Variants in PAX6 observed in about 807,000 individuals in gnomAD.
PAX6 encodes paired box protein Pax-6.
Under a neutral mutation model 60.7 loss-of-function variants are expected in PAX6, and 7 were observed. The ratio of observed to expected loss-of-function variants is 0.12; its 90% CI spans 0.07 to 0.22. The LOEUF (loss-of-function observed/expected upper bound fraction) is 0.22, where lower values mean the gene tolerates loss of function less well. Among genes scored for constraint, PAX6 ranks in the 10% least tolerant of loss-of-function variants. PAX6 has a pLI of 1.00. For synonymous variants in PAX6, 208 were observed against 201.2 expected (o/e 1.03, Z -0.29); for missense variants, 355 against 555.2 (o/e 0.64, Z 3.62).
intron 2 of PAX6, among the ~76,000 whole-genome samples, chr11:31,809,052 T>A (rs765966381): frequency 9.2e-5 from 14 of 152,212 alleles, no homozygotes; most frequent in Non-Finnish European, 1.5e-4. Context: ...AGTTTTCAAA[T>A]GCTGTTCTTT....
At chr11:31,810,709 T>C (rs559719190) in intron 2 of PAX6, 119 bp downstream of exon 2, 46 of 397,314 alleles carry the variant, frequency 1.2e-4, no homozygotes, top group Admixed American at 1.8e-4. Context: ...GGCCCAACTC[T>C]CCCGGCGTAG....
In PAX6 at chr11:31,794,660, T is replaced by C; in HGVS notation, c.694A>G (p.Thr232Ala). The change falls in exon 9 of 14, where the codon ACC (threonine) becomes GCC (alanine). Residue 232 changes from threonine to alanine, a missense_variant. Thr to Ala is a moderately conservative substitution (Grantham distance 58, BLOSUM62 0). Coordinates refer to ENST00000640368, the MANE Select transcript of PAX6 (RefSeq NM_001368894.2). ...RKLQRNRTSF[T>A]QEQIEALEKE... ...TCCAGGGCCTCAATTTGCTCTTGGG[T>C]AAAGGATGTTCTATTTCTTTGCAGC... The C allele has an allele frequency of 6.2e-7, 1 of 1,614,196 alleles. No individual in the cohort carries two copies. Among genetic ancestry groups the C allele is most frequent in the Non-Finnish European group, 8.5e-7 (1 of 1,180,038 alleles).
intron 13 of PAX6, 78 bp from the exon 14 acceptor site, chr11:31,790,097 CAAAAAAAAAA>C (rs1171009926): frequency 1.2e-4 from 18 of 145,368 alleles, no homozygotes; most frequent in Middle Eastern, 2.4e-3. Context: ...TATAGGTTTA[CAAAAAAAAAA>C]AAAAAAAAAA....
chr11:31,813,395 G>A (rs956729439), upstream of PAX6, among the ~76,000 whole-genome samples: 16 of 102,534 alleles, frequency 1.6e-4, no homozygotes, highest in African/African-American at 5.7e-4. Context: ...GGGGCGGGGG[G>A]GGGGGAAGTG....
rs969086029 is a variant in PAX6, at chr11:31,802,507, G to A, written c.141+197C>T. Reference sequence around the variant, plus strand: ...GAGTTATCTTATGTAACTGACCCAGGTTGAAAGAGATAGGGAAGGATGGTG... The same window carrying A: ...GAGTTATCTTATGTAACTGACCCAGATTGAAAGAGATAGGGAAGGATGGTG... On this transcript the variant is annotated intron_variant, in intron 5 of 13. Transcript: ENST00000640368. 3 of 580,716 alleles carry A rather than the reference G, an allele frequency of 5.2e-6. No individual in the cohort carries two copies. In the East Asian group the frequency reaches 8.7e-5, roughly 17 times the overall value. 36.0% of individuals were successfully genotyped at this position (580,716 alleles called of 1,614,324 possible). A position where few individuals can be genotyped will look rare whatever the true frequency, so the allele number is the denominator to read the frequency against.
intron 12 of PAX6, chr11:31,792,288 TG>T (rs1286564235): frequency 1.3e-5 from 2 of 152,350 alleles, no homozygotes; most frequent in African/African-American, 4.8e-5. Flanking sequence ...CACCAACTAA[TG>T]GGCTGTTAAT....
At chr11:31,796,235 G>A (rs1297208463) in intron 8 of PAX6, among the ~76,000 whole-genome samples, 1 of 152,190 alleles carries the variant, frequency 6.6e-6, no homozygotes, top group Admixed American at 6.5e-5. Context: ...GCGAGTAAGG[G>A]AAACTATTAA....
chr11:31,794,404 A>AAC (rs1222026699), intron 9 of PAX6: 3 of 596,552 alleles, frequency 5.0e-6, no homozygotes, highest in Non-Finnish European at 8.8e-6. Flanking sequence ...GAAAAGAAGA[A>AAC]ACACACACAC....
In PAX6 at chr11:31,801,856, C is replaced by T. The variant is rs1173649000; in HGVS notation, c.183+15G>A. On this transcript the variant is annotated intron_variant, in intron 6 of 13. Coordinates refer to ENST00000640368, the MANE Select transcript of PAX6 (RefSeq NM_001368894.2). The stretch of plus-strand genomic sequence containing the variant: ...TAAAATTGTTTAAGTATGCATTAAA[C>T]AATGACAAGCTTACGTTTTGATTGT... 1 of 1,614,000 alleles carries T rather than the reference C, an allele frequency of 6.2e-7. No individual in the cohort carries two copies. The highest frequency in any genetic ancestry group is 8.5e-7 in the Non-Finnish European group (1 of 1,179,994).
At chr11:31,802,963 G>C in intron 4 of PAX6, 129 bp from the exon 5 acceptor site, 5 of 912,616 alleles carry the variant, frequency 5.5e-6, no homozygotes, top group Non-Finnish European at 8.6e-6. Flanking sequence ...GGAAGGGGAA[G>C]AGGAAGAAGG....
intron 1 of PAX6, among the ~76,000 whole-genome samples, chr11:31,817,608 G>T (rs934388381): frequency 1.3e-5 from 2 of 152,232 alleles, no homozygotes; most frequent in Non-Finnish European, 2.9e-5. Flanking sequence ...GAGCACACTC[G>T]GCAAAGACAA....
chr11:31,802,616 T>C, intron 5 of PAX6, 88 bp downstream of exon 5: 4 of 1,455,186 alleles, frequency 2.7e-6, no homozygotes, highest in Non-Finnish European at 3.7e-6. Context: ...GGTCCATAAT[T>C]AGCATCGTTT....
At chr11:31,796,662 A>G (rs949261896) in intron 8 of PAX6, among the ~76,000 whole-genome samples, 1 of 151,736 alleles carries the variant, frequency 6.6e-6, no homozygotes, top group East Asian at 1.9e-4. Flanking sequence ...CGATGGAGGG[A>G]AAAAGAGGGC....
chr11:31,797,685 T>TA (rs1952052321), intron 8 of PAX6, among the ~76,000 whole-genome samples: 1 of 152,122 alleles, frequency 6.6e-6, no homozygotes, highest in African/African-American at 2.4e-5. Context: ...TGCTCTTACA[T>TA]AAAATGGGTA....
At chr11:31,817,168 C>A (rs569462498) in intron 1 of PAX6, among the ~76,000 whole-genome samples, 15 of 152,260 alleles carry the variant, frequency 9.9e-5, no homozygotes, top group Non-Finnish European at 1.3e-4. Flanking sequence ...CAGTGAGAAT[C>A]GCTAATTATT....
At chr11:31,797,945 T>C (rs1418862073) in intron 8 of PAX6, among the ~76,000 whole-genome samples, 2 of 151,508 alleles carry the variant, frequency 1.3e-5, no homozygotes, top group Admixed American at 1.3e-4. Flanking sequence ...CCCAGGACCA[T>C]CTGACGATGG....
At chr11:31,796,634 TA>T (rs770691461) in intron 8 of PAX6, among the ~76,000 whole-genome samples, 1 of 146,532 alleles carries the variant, frequency 6.8e-6, no homozygotes, top group Non-Finnish European at 1.5e-5. Context: ...GGGCCTGGGT[TA>T]GGGGAAAGAC....
chr11:31,813,726 G>T (rs1348602433), upstream of PAX6, among the ~76,000 whole-genome samples: 2 of 152,176 alleles, frequency 1.3e-5, no homozygotes, highest in Non-Finnish European at 2.9e-5. Flanking sequence ...AAAGGACTTG[G>T]CTGCTTCCCA....
chr11:31,799,110 C>A (rs1019766769), intron 8 of PAX6, among the ~76,000 whole-genome samples: 31 of 152,226 alleles, frequency 2.0e-4, no homozygotes, highest in Non-Finnish European at 8.8e-5. Context: ...CTCGTGAGTG[C>A]GAAGTTCGGG....
Sources: allele counts gnomAD v4.1 joint callset (sites outside exome capture counted in the v4.1 genomes callset), GRCh38; gene constraint gnomAD v4.1.1; transcripts MANE v1.5; gene names NCBI Gene and HGNC (gene_info 2026-07-23, HGNC 2026-07-21).